The following IGF2R variants were observed in gnomAD, a reference collection of about 807,000 sequenced individuals.
IGF2R encodes the protein cation-independent mannose-6-phosphate receptor.
A neutral mutation model predicts 270.6 loss-of-function variants in IGF2R; 91 were observed. That is an observed-to-expected ratio of 0.34 (90% confidence interval 0.28 to 0.40). The LOEUF (loss-of-function observed/expected upper bound fraction) is 0.40, where lower values mean the gene tolerates loss of function less well. Ranked by LOEUF, IGF2R falls within the 10% of genes least tolerant of loss-of-function variation. The pLI is 1.00. For synonymous variants in IGF2R, 1,316 were observed against 1,258.9 expected, an observed-to-expected ratio of 1.05 and a Z score of -0.96; for missense variants, 2,805 against 3,188.3, an observed-to-expected ratio of 0.88 and a Z score of 2.90.
At position 160,064,544 on chromosome 6, in the gene IGF2R, C is replaced by G. The variant is rs745879247; in HGVS notation, c.4017+13C>G. On this transcript the variant is annotated intron_variant, in intron 28 of 47. Coordinates refer to ENST00000356956, the MANE Select transcript of IGF2R (RefSeq NM_000876.4). The stretch of plus-strand genomic sequence containing the variant: ...CGGCACCCAGCGGGTGAGCATGTAC[C>G]GACGGCCCTCAGCGGGGTCTTCTCC... The G allele has an allele frequency of 1.2e-6, 2 of 1,613,516 alleles. No homozygotes were observed. The highest frequency in any genetic ancestry group is 3.3e-4 in the Middle Eastern group (2 of 6,020).
intron 47 of IGF2R, among the ~76,000 whole-genome samples, 193 bp from the exon 48 acceptor site, chr6:160,104,481 C>T (rs1204556169): frequency 1.3e-5 from 2 of 152,024 alleles, no homozygotes; most frequent in Non-Finnish European, 1.5e-5. Context: ...GGTGCAGTCT[C>T]ATTAGGAACA....
chr6:159,972,886 A>G (rs1783632065), intron 1 of IGF2R, among the ~76,000 whole-genome samples: 1 of 150,982 alleles, frequency 6.6e-6, no homozygotes. Context: ...AAATAAGTGC[A>G]TGGTTTTTTT....
intron 19 of IGF2R, among the ~76,000 whole-genome samples, chr6:160,055,576 C>T (rs755666138): frequency 6.6e-5 from 10 of 151,902 alleles, no homozygotes; most frequent in Non-Finnish European, 1.3e-4. Flanking sequence ...GTTGCTGAGG[C>T]CTGGAGTGGG....
Position 159,998,857 on chromosome 6 carries a change from A to G in IGF2R, c.289+7534A>G, listed in dbSNP as rs1296172614. Among the ~76,000 whole-genome samples the G allele has an allele frequency of 2.6e-5, 4 of 152,228 alleles. No individual in the cohort carries two copies. The highest frequency in any genetic ancestry group is 9.6e-5 in the African/African-American group (4 of 41,452). Reference sequence around the variant, plus strand: ...AATAAAAATACCTAAATTTTGTTGCACATTCATGTGCTAGGCCTAATGTTT... The same window carrying G: ...AATAAAAATACCTAAATTTTGTTGCGCATTCATGTGCTAGGCCTAATGTTT... On this transcript the variant is annotated intron_variant, in intron 2 of 47. Transcript: ENST00000356956. This position sits in a 1 kb window ranked among gnomAD's most constrained non-coding sequence, Gnocchi z 4.1.
At chr6:160,077,120 C>T (rs1305873393) in intron 36 of IGF2R, among the ~76,000 whole-genome samples, 1 of 152,164 alleles carries the variant, frequency 6.6e-6, no homozygotes, top group Non-Finnish European at 1.5e-5. Context: ...TGGGGCTACT[C>T]CACAGGGGCC....
rs1229092092 is a variant in IGF2R at position 160,111,447 on chromosome 6, A to T, written c.*6363A>T. ...ATATTTTCTCCTCATGATTTTCTTA[A>T]AACTTTTTCTGTATTTTATTGTAAG... On this transcript the variant is annotated 3_prime_UTR_variant, in exon 48 of 48. Transcript: ENST00000356956. 2.0e-5 allele frequency: 3 copies of T among 152,186 alleles called. No homozygotes were observed. Among genetic ancestry groups the T allele is most frequent in the Admixed American group, 2.0e-4 (3 of 15,270 alleles). The allele number at this position is 152,186 out of a possible 1,614,324, so 9.4% of individuals were successfully genotyped here.
intron 20 of IGF2R, among the ~76,000 whole-genome samples, chr6:160,056,736 C>T (rs1281849178): frequency 1.3e-5 from 2 of 152,232 alleles, no homozygotes; most frequent in Admixed American, 1.3e-4. Context: ...CTCAGTCTTA[C>T]TCTCTGCTCA....
intron 6 of IGF2R, 130 bp downstream of exon 6, chr6:160,027,444 A>G (rs139024543): frequency 1.7e-5 from 18 of 1,041,686 alleles, no homozygotes; most frequent in Admixed American, 5.8e-5. Context: ...CTTCACATGT[A>G]CTTGTAAGAT....
Position 160,061,926 on chromosome 6 carries a change from T to A in IGF2R, c.3580T>A (p.Ser1194Thr), listed in dbSNP as rs544201211. 6.2e-7 allele frequency: 1 copy of A among 1,614,068 alleles called. No individual in the cohort carries two copies. Among genetic ancestry groups the A allele is most frequent in the Admixed American group, 1.7e-5 (1 of 60,016 alleles). The change falls in exon 25 of 48, where the codon TCG becomes ACG. Residue 1194 changes from serine to threonine, a missense_variant and splice_region_variant. Ser to Thr is a moderately conservative substitution (Grantham distance 58, BLOSUM62 1). Transcript: ENST00000356956. ...GATCACGTTTGAGTGTGCTCAGATA[T>A]CGGTGTGTGTTCAGACCAGCAATGA... Reference protein sequence around the residue: ...TRITFECAQISGSPAFQLQDG... With the variant: ...TRITFECAQITGSPAFQLQDG...
chr6:160,047,642 C>G (rs938098083), intron 16 of IGF2R, 150 bp from the exon 17 acceptor site: 1 of 640,374 alleles, frequency 1.6e-6, no homozygotes, highest in Non-Finnish European at 2.8e-6. Context: ...GGACAGTCTT[C>G]TTTTTAATAA....
chr6:160,011,086 G>A (rs776493779), intron 4 of IGF2R, among the ~76,000 whole-genome samples: 6 of 152,160 alleles, frequency 3.9e-5, no homozygotes, highest in Non-Finnish European at 8.8e-5. Flanking sequence ...ACTAAGTGAC[G>A]TGTTTGGGCT....
chr6:160,053,321 A>G (rs1045441089), intron 19 of IGF2R, among the ~76,000 whole-genome samples: 1 of 152,134 alleles, frequency 6.6e-6, no homozygotes, highest in Non-Finnish European at 1.5e-5. Context: ...TTAAATGATG[A>G]GTTGATGGGT....
At chr6:159,982,809 G>T (rs1486097960) in intron 1 of IGF2R, among the ~76,000 whole-genome samples, 1 of 152,182 alleles carries the variant, frequency 6.6e-6, no homozygotes, top group African/African-American at 2.4e-5. Context: ...TTGTGTTGAA[G>T]GGAAGGAACC....
chr6:160,101,590 T>A (rs960511186), intron 45 of IGF2R, among the ~76,000 whole-genome samples: 1 of 152,252 alleles, frequency 6.6e-6, no homozygotes, highest in Non-Finnish European at 1.5e-5. Context: ...GCCGGCATCT[T>A]CAGCAGCACA....
At chr6:160,010,608 T>TA in intron 3 of IGF2R, 79 bp from the exon 4 acceptor site, 1 of 915,410 alleles carries the variant, frequency 1.1e-6, no homozygotes, top group Non-Finnish European at 1.8e-6. Flanking sequence ...TTAGTAGCCT[T>TA]TACTGCATTC....
chr6:160,002,145 C>G (rs576892223), intron 2 of IGF2R, among the ~76,000 whole-genome samples: 81 of 152,160 alleles, frequency 5.3e-4, no homozygotes, highest in Non-Finnish European at 9.8e-4. Flanking sequence ...AATCACAGCA[C>G]TTTGGGAGGC....
chr6:160,075,458 G>C (rs1219552720), intron 35 of IGF2R, among the ~76,000 whole-genome samples: 1 of 152,196 alleles, frequency 6.6e-6, no homozygotes, highest in Admixed American at 6.5e-5. Flanking sequence ...GCCTTCCCCT[G>C]TCAGGTGGTG....
At chr6:160,064,057 T>G (rs1050013601) in intron 27 of IGF2R, among the ~76,000 whole-genome samples, 2 of 152,214 alleles carry the variant, frequency 1.3e-5, no homozygotes, top group African/African-American at 4.8e-5. Context: ...AAGATTTAAA[T>G]ACATTTAGGA....
Position 160,061,575 on chromosome 6 carries a change from CTGTCGA to C in IGF2R, c.3338_3343del (p.Val1113_Asp1114del). On this transcript the variant is annotated inframe_deletion, in exon 24 of 48. Coordinates refer to ENST00000356956, the MANE Select transcript of IGF2R (RefSeq NM_000876.4). ...AAACCTTGGACGGCTGTTGACACCT[CTGTCGA>C]TGGGAGAAAGAGGACTTTCTATTTG... 1 of 1,614,104 alleles carries C rather than the reference CTGTCGA, an allele frequency of 6.2e-7. No homozygotes were observed. Among genetic ancestry groups the C allele is most frequent in the Non-Finnish European group, 8.5e-7 (1 of 1,179,952 alleles).
Sources: gnomAD v4.1 joint callset for allele counts (sites outside exome capture counted in the v4.1 genomes callset) on GRCh38, gnomAD v4.1.1 for gene constraint, Gnocchi (gnomAD v3.1) non-coding constraint, MANE v1.5 for transcripts, NCBI Gene and HGNC (gene_info 2026-07-23, HGNC 2026-07-21) for gene names.